Variants in OCA2 observed in about 807,000 individuals in gnomAD.
The protein encoded by OCA2 is OCA2 melanosomal transmembrane protein.
In OCA2, 77 loss-of-function variants were observed where a neutral mutation model predicts 100.2. The ratio of observed to expected loss-of-function variants is 0.77; its 90% CI spans 0.64 to 0.93. The LOEUF (loss-of-function observed/expected upper bound fraction) is 0.93. Ranked by LOEUF, OCA2 falls within the 40% of genes least tolerant of loss-of-function variation. OCA2 has a pLI of 0.00. For synonymous variants in OCA2, 432 were observed against 439.2 expected (o/e 0.98, Z 0.21); for missense variants, 1,062 against 1,089.1 (o/e 0.98, Z 0.35).
chr15:28,077,189 A>C (rs1346229841), intron 2 of OCA2, among the ~76,000 whole-genome samples: 2 of 151,818 alleles, frequency 1.3e-5, no homozygotes, highest in Non-Finnish European at 2.9e-5. Context: ...CCTCCAGAGT[A>C]GCTGGGATTA....
the OCA2 span, among the ~76,000 whole-genome samples, chr15:27,742,968 C>T: frequency 5.3e-5 from 8 of 152,264 alleles, no homozygotes; most frequent in South Asian, 6.2e-4. Flanking sequence ...GCTGAGTATT[C>T]GATTAAGCAC....
At chr15:27,807,792 A>G (rs2033917436) in intron 23 of OCA2, among the ~76,000 whole-genome samples, 1 of 152,224 alleles carries the variant, frequency 6.6e-6, no homozygotes, top group Non-Finnish European at 1.5e-5. Context: ...CTCTAGAGCA[A>G]AAGTTTTCAA....
rs1269554619 is a variant in OCA2 at position 27,754,940 on chromosome 15, A to G, written c.*448T>C. ...CCTTACGAGCAGTAAACCTTTTCCC[A>G]GAAAGTCTATATTCAGAAAGCATAC... On this transcript the variant is annotated 3_prime_UTR_variant, in exon 24 of 24. Coordinates refer to ENST00000354638, the MANE Select transcript of OCA2 (RefSeq NM_000275.3). The G allele has an allele frequency of 4.9e-6, 1 of 206,020 alleles. No homozygotes were observed. Among genetic ancestry groups the G allele is most frequent in the Admixed American group, 5.2e-5 (1 of 19,284 alleles). 12.8% of individuals were successfully genotyped at this position (206,020 alleles called of 1,614,324 possible).
At chr15:27,951,982 A>G in intron 17 of OCA2, 90 bp from the exon 18 acceptor site, 2 of 896,680 alleles carry the variant, frequency 2.2e-6, no homozygotes, top group South Asian at 2.8e-5. Context: ...ATCACGACAG[A>G]TTTCACGAGG....
chr15:27,879,957 T>C (rs772173997), intron 19 of OCA2, among the ~76,000 whole-genome samples: 1 of 152,210 alleles, frequency 6.6e-6, no homozygotes, highest in Non-Finnish European at 1.5e-5. Context: ...ATTGCCTAGA[T>C]TTTCTTCTAG....
chr15:27,883,149 A>T (rs1423919269), intron 19 of OCA2, among the ~76,000 whole-genome samples: 1 of 152,132 alleles, frequency 6.6e-6, no homozygotes, highest in Non-Finnish European at 1.5e-5. Flanking sequence ...CTCTGGGCCA[A>T]AAGATGGGGT....
At chr15:27,968,336 C>T (rs533791265) in intron 14 of OCA2, among the ~76,000 whole-genome samples, 23 of 151,298 alleles carry the variant, frequency 1.5e-4, no homozygotes, top group African/African-American at 2.4e-4. Flanking sequence ...TGACAATGCA[C>T]GACCATGGGG....
At chr15:28,006,145 C>T (rs996763766) in intron 9 of OCA2, among the ~76,000 whole-genome samples, 2 of 152,170 alleles carry the variant, frequency 1.3e-5, no homozygotes, top group Non-Finnish European at 2.9e-5. Flanking sequence ...CAGAACAGGG[C>T]TGGCCCCTCC....
intron 23 of OCA2, among the ~76,000 whole-genome samples, chr15:27,823,630 T>C (rs760514881): frequency 5.3e-5 from 8 of 152,226 alleles, no homozygotes; most frequent in Non-Finnish European, 1.0e-4. Flanking sequence ...TTTTAGTATC[T>C]TCTAGATACA....
the OCA2 span, among the ~76,000 whole-genome samples, chr15:27,735,331 GA>G: frequency 6.6e-6 from 1 of 152,050 alleles, no homozygotes. Context: ...AAAAAATAGG[GA>G]AGAATGAAAA....
At chr15:27,890,420 C>G (rs1595583659) in intron 19 of OCA2, among the ~76,000 whole-genome samples, 1 of 152,158 alleles carries the variant, frequency 6.6e-6, no homozygotes, top group African/African-American at 2.4e-5. Flanking sequence ...AAATCATCAA[C>G]TTTCAAAGAC....
chr15:27,780,969 T>C (rs1371525265), intron 23 of OCA2, among the ~76,000 whole-genome samples: 1 of 152,236 alleles, frequency 6.6e-6, no homozygotes, highest in African/African-American at 2.4e-5. Flanking sequence ...TATATAAAAG[T>C]ACCTTGTCTG....
At chr15:27,797,434 A>G (rs2033391095) in intron 23 of OCA2, among the ~76,000 whole-genome samples, 1 of 152,160 alleles carries the variant, frequency 6.6e-6, no homozygotes, top group Non-Finnish European at 1.5e-5. Flanking sequence ...AAGGGAAGGA[A>G]AACCAAGGTC....
chr15:27,946,469 G>A (rs529270248), intron 18 of OCA2, among the ~76,000 whole-genome samples: 3 of 152,258 alleles, frequency 2.0e-5, no homozygotes, highest in East Asian at 3.9e-4. Flanking sequence ...GGCAAACGCC[G>A]AGCTGTAACC....
chr15:27,896,849 T>G (rs1251825239), intron 19 of OCA2, among the ~76,000 whole-genome samples: 1 of 152,158 alleles, frequency 6.6e-6, no homozygotes, highest in African/African-American at 2.4e-5. Flanking sequence ...AGAAGCCGAA[T>G]GTTAATTCCC....
intron 23 of OCA2, among the ~76,000 whole-genome samples, chr15:27,818,257 C>T (rs183615769): frequency 8.5e-5 from 13 of 152,138 alleles, no homozygotes; most frequent in African/African-American, 1.4e-4. Context: ...GGCATGGTGG[C>T]GCATGCCTGT....
chr15:27,720,660 G>A, the OCA2 span, among the ~76,000 whole-genome samples: 5 of 151,970 alleles, frequency 3.3e-5, no homozygotes, highest in African/African-American at 4.8e-5. Flanking sequence ...TTAGACCAGT[G>A]GTTGGTTGCC....
At chr15:27,991,030 A>G (rs2041540058) in intron 9 of OCA2, among the ~76,000 whole-genome samples, 2 of 152,222 alleles carry the variant, frequency 1.3e-5, no homozygotes, top group South Asian at 4.1e-4. Context: ...CTGCTGTTAA[A>G]CCAAAGGTAC....
intron 6 of OCA2, among the ~76,000 whole-genome samples, chr15:28,019,899 C>G (rs527820500): frequency 1.3e-5 from 2 of 152,148 alleles, no homozygotes; most frequent in Non-Finnish European, 1.5e-5. Flanking sequence ...AGAGAGGGTC[C>G]GTGAGTTTCC....
Sources: gnomAD v4.1 joint callset for allele counts (sites outside exome capture counted in the v4.1 genomes callset) on GRCh38, gnomAD v4.1.1 for gene constraint, MANE v1.5 for transcripts, NCBI Gene and HGNC (gene_info 2026-07-23, HGNC 2026-07-21) for gene names.